NCMAP: variants seen among roughly 807,000 people sequenced by gnomAD.
NCMAP encodes the protein non-compact myelin associated protein.
Under a neutral mutation model 7.8 loss-of-function variants are expected in NCMAP, and 8 were observed. The observed-to-expected ratio is 1.02, with a 90% CI of 0.60 to 1.84. NCMAP has a LOEUF of 1.84. Ranked by LOEUF, NCMAP falls within the 40% of genes most tolerant of loss-of-function variation. NCMAP has a pLI of 0.00. For synonymous variants in NCMAP, 41 were observed against 52.9 expected (o/e 0.78, Z 0.98); for missense variants, 112 against 131.4 (o/e 0.85, Z 0.72).
At chr1:24,605,170 G>A (rs1652679797) in intron 3 of NCMAP, among the ~76,000 whole-genome samples, 1 of 151,804 alleles carries the variant, frequency 6.6e-6, no homozygotes, top group East Asian at 1.9e-4. Flanking sequence ...GAATTTTACG[G>A]CATATTAAAT....
At chr1:24,574,794 CTTTTTT>C (rs772381377) in intron 1 of NCMAP, among the ~76,000 whole-genome samples, 1 of 131,832 alleles carries the variant, frequency 7.6e-6, no homozygotes, top group African/African-American at 2.9e-5. Context: ...GCCCGCAATA[CTTTTTT>C]TTTTTTTTTT....
chr1:24,563,559 AAAAG>A (rs1557592030), intron 1 of NCMAP: 2 of 152,038 alleles, frequency 1.3e-5, no homozygotes, highest in African/African-American at 4.8e-5. Context: ...AAAAGAAAGA[AAAAG>A]AAATTCAGTG....
At chr1:24,560,441 C>T (rs1557591016) in intron 1 of NCMAP, among the ~76,000 whole-genome samples, 2 of 152,212 alleles carry the variant, frequency 1.3e-5, no homozygotes, top group Non-Finnish European at 2.9e-5. Context: ...TCTGTTCCTC[C>T]ACCTGGGGTG....
intron 1 of NCMAP, chr1:24,563,559 A>G (rs547808192): frequency 1.6e-4 from 25 of 152,154 alleles, no homozygotes; most frequent in African/African-American, 5.3e-4. Flanking sequence ...AAAAGAAAGA[A>G]AAAGAAATTC....
intron 1 of NCMAP, among the ~76,000 whole-genome samples, chr1:24,574,920 C>A (rs1185446515): frequency 6.7e-6 from 1 of 149,394 alleles, no homozygotes; most frequent in Non-Finnish European, 1.5e-5. Context: ...CTCAGCCTCC[C>A]AAGTAGCTGG....
At chr1:24,583,205 T>G (rs993593390) in intron 1 of NCMAP, among the ~76,000 whole-genome samples, 1 of 151,998 alleles carries the variant, frequency 6.6e-6, no homozygotes. Context: ...ACATTTTTGG[T>G]TGTTCTAACT....
intron 2 of NCMAP, 57 bp from the exon 3 acceptor site, chr1:24,600,883 C>T (rs1393582433): frequency 1.3e-6 from 2 of 1,527,378 alleles, no homozygotes; most frequent in African/African-American, 2.7e-5. Context: ...GCAGGGCGCC[C>T]TCCTGGTCTG....
intron 1 of NCMAP, among the ~76,000 whole-genome samples, chr1:24,591,724 G>A (rs1652055391): frequency 1.3e-5 from 2 of 152,184 alleles, no homozygotes; most frequent in Non-Finnish European, 1.5e-5. Flanking sequence ...GTTCCTGGTG[G>A]GAGCTTGAGT....
At position 24,605,870 on chromosome 1, in the gene NCMAP, G is replaced by T; in HGVS notation, c.*123G>T. 2.6e-6 allele frequency: 3 copies of T among 1,169,684 alleles called. No individual in the cohort carries two copies. The highest frequency in any genetic ancestry group is 1.2e-6 in the Non-Finnish European group (1 of 830,242). The allele number at this position is 1,169,684 out of a possible 1,614,324, so 72.5% of individuals were successfully genotyped here. ...TGGTCAGGTCGACAGAGACATCTTT[G>T]ACGCAATCTCTGATGCTTCCAGCAA... On this transcript the variant is annotated 3_prime_UTR_variant, in exon 4 of 4. Coordinates refer to ENST00000374392, the MANE Select transcript of NCMAP (RefSeq NM_001010980.5).
chr1:24,596,704 A>G (rs1240808462), intron 2 of NCMAP, among the ~76,000 whole-genome samples: 1 of 152,180 alleles, frequency 6.6e-6, no homozygotes, highest in Non-Finnish European at 1.5e-5. Flanking sequence ...CAGACAAACA[A>G]AAATCCGAAG....
intron 1 of NCMAP, among the ~76,000 whole-genome samples, chr1:24,559,841 G>A (rs1650997617): frequency 6.6e-6 from 1 of 152,226 alleles, no homozygotes; most frequent in African/African-American, 2.4e-5. Context: ...TTTAACCAGA[G>A]ACGATAGTAC....
intron 1 of NCMAP, among the ~76,000 whole-genome samples, chr1:24,582,431 G>A (rs1354078183): frequency 1.3e-5 from 2 of 152,194 alleles, no homozygotes; most frequent in Non-Finnish European, 2.9e-5. Flanking sequence ...GAGGTGGGGA[G>A]ATTATCCTGG....
rs2148942292 is a variant in NCMAP at position 24,609,007 on chromosome 1, G to A, written c.*3260G>A. 1 of 152,400 alleles carries A rather than the reference G, an allele frequency of 6.6e-6. No homozygotes were observed. Among genetic ancestry groups the A allele is most frequent in the Middle Eastern group, 3.4e-3 (1 of 296 alleles). The allele number at this position is 152,400 out of a possible 1,614,324, so 9.4% of individuals were successfully genotyped here. A position where few individuals can be genotyped will look rare whatever the true frequency, so the allele number is the denominator to read the frequency against. The stretch of plus-strand genomic sequence containing the variant: ...AATGAAGGCTTGGAGTTGGAGGGAA[G>A]AAGGGGAGATGGAGTGGTGAGGGCG... On this transcript the variant is annotated 3_prime_UTR_variant, in exon 4 of 4. Transcript: ENST00000374392.
At chr1:24,593,068 C>T (rs1038891057) in intron 1 of NCMAP, among the ~76,000 whole-genome samples, 10 of 151,614 alleles carry the variant, frequency 6.6e-5, no homozygotes, top group African/African-American at 2.4e-4. Context: ...ATCCCAGCTA[C>T]GTGGGAGGCT....
At chr1:24,592,592 G>C (rs1051280664) in intron 1 of NCMAP, among the ~76,000 whole-genome samples, 4 of 152,076 alleles carry the variant, frequency 2.6e-5, no homozygotes, top group African/African-American at 9.7e-5. Context: ...AATACAAAAG[G>C]GATTTCAGCT....
At chr1:24,559,767 G>A (rs1650995139) in intron 1 of NCMAP, among the ~76,000 whole-genome samples, 1 of 152,212 alleles carries the variant, frequency 6.6e-6, no homozygotes, top group Admixed American at 6.5e-5. Flanking sequence ...GCAGAGATGA[G>A]CAGGGCGTTA....
intron 3 of NCMAP, 95 bp from the exon 4 acceptor site, chr1:24,605,511 A>G (rs1652691270): frequency 7.1e-6 from 10 of 1,413,610 alleles, no homozygotes; most frequent in Non-Finnish European, 9.7e-6. Context: ...ACATTAATCT[A>G]CATTAATCTG....
At chr1:24,593,086 G>A (rs12727625) in intron 1 of NCMAP, among the ~76,000 whole-genome samples, 39,734 of 151,600 alleles carry the variant, frequency 0.26, 5,487 homozygotes, top group African/African-American at 0.33. Flanking sequence ...GCTGAGGCAG[G>A]AGAATCACTT....
At chr1:24,604,474 G>A (rs1652615122) in intron 3 of NCMAP, among the ~76,000 whole-genome samples, 1 of 147,268 alleles carries the variant, frequency 6.8e-6, no homozygotes, top group East Asian at 2.0e-4. Flanking sequence ...TATTTGGGAG[G>A]CTGAGGTGGG....
Sources: gnomAD v4.1 joint callset for allele counts (sites outside exome capture counted in the v4.1 genomes callset) on GRCh38, gnomAD v4.1.1 for gene constraint, MANE v1.5 for transcripts, NCBI Gene and HGNC (gene_info 2026-07-23, HGNC 2026-07-21) for gene names.